ANO3: variants seen among roughly 807,000 people sequenced by gnomAD.
ANO3 encodes the protein anoctamin-3.
Under a neutral mutation model 144.8 loss-of-function variants are expected in ANO3, and 99 were observed. The ratio of observed to expected loss-of-function variants is 0.68; its 90% confidence interval spans 0.58 to 0.81. ANO3 has a LOEUF of 0.81. Ranked by LOEUF, ANO3 falls within the 30% of genes least tolerant of loss-of-function variation. The pLI, the probability that ANO3 is intolerant of heterozygous loss-of-function variation, is 0.00. For synonymous variants in ANO3, 414 were observed against 392.6 expected, an observed-to-expected ratio of 1.05 and a Z score of -0.64; for missense variants, 905 against 1,202.2, an observed-to-expected ratio of 0.75 and a Z score of 3.66.
At chr11:26,293,576 T>TATATATATATATATA (rs1854016890) in intron 1 of ANO3, among the ~76,000 whole-genome samples, 3 of 138,020 alleles carry the variant, frequency 2.2e-5, no homozygotes, top group Non-Finnish European at 3.1e-5. Flanking sequence ...TATATATATA[T>TATATATATATATATA]TCCTGTTGTT....
chr11:26,474,685 A>G (rs1283081663), intron 4 of ANO3, among the ~76,000 whole-genome samples: 1 of 151,896 alleles, frequency 6.6e-6, no homozygotes, highest in African/African-American at 2.4e-5. Context: ...GTAATAAGAA[A>G]CTTAATTTTG....
chr11:26,490,419 T>C (rs1299367213), intron 4 of ANO3, among the ~76,000 whole-genome samples: 1 of 152,202 alleles, frequency 6.6e-6, no homozygotes, highest in Non-Finnish European at 1.5e-5. Flanking sequence ...AAACTCTAGA[T>C]ACCAAAGTAG....
chr11:26,417,739 C>T (rs1033532753), intron 1 of ANO3, among the ~76,000 whole-genome samples: 1 of 151,570 alleles, frequency 6.6e-6, no homozygotes, highest in African/African-American at 2.4e-5. Context: ...AAAATGAAGG[C>T]CCAAACAATA....
intron 1 of ANO3, among the ~76,000 whole-genome samples, chr11:26,268,061 G>C (rs1853354605): frequency 6.6e-6 from 1 of 152,010 alleles, no homozygotes; most frequent in Admixed American, 6.6e-5. Context: ...ACATATACTG[G>C]TCAGGAAAGA....
chr11:26,417,859 T>G (rs1451364301), intron 1 of ANO3, among the ~76,000 whole-genome samples: 1 of 151,952 alleles, frequency 6.6e-6, no homozygotes, highest in African/African-American at 2.4e-5. Context: ...AATAATAAAG[T>G]TAATAGGGAC....
chr11:26,516,882 C>A lies in ANO3; in HGVS notation c.647C>A (p.Thr216Lys), dbSNP rs748171802. ...MFIKIHIPWD[T>K]LCKYAERLNI... is the part of the protein sequence containing the mutation. ...ATTAAAATTCACATTCCATGGGACA[C>A]GCTGTGCAAGTATGCAGAGAGGCTG... Residue 216 changes from threonine (T) to lysine (K), a missense_variant, in exon 6 of 27, where the codon ACG becomes AAG. Thr to Lys is a moderately conservative substitution (Grantham distance 78, BLOSUM62 -1). Transcript: ENST00000256737. 6.2e-7 allele frequency: 1 copy of A among 1,611,422 alleles called. No homozygotes were observed. Among genetic ancestry groups the A allele is most frequent in the Admixed American group, 1.7e-5 (1 of 59,908 alleles).
At chr11:26,260,696 G>A (rs1333024063) in intron 1 of ANO3, among the ~76,000 whole-genome samples, 1 of 152,114 alleles carries the variant, frequency 6.6e-6, no homozygotes, top group African/African-American at 2.4e-5. Context: ...CAATATAAAT[G>A]TCCCCACTGC....
chr11:26,591,103 G>A (rs770961525), intron 14 of ANO3, among the ~76,000 whole-genome samples: 1 of 152,092 alleles, frequency 6.6e-6, no homozygotes, highest in Admixed American at 6.5e-5. Flanking sequence ...TTGGGTGTGA[G>A]GTGAGTTACA....
intron 1 of ANO3, among the ~76,000 whole-genome samples, chr11:26,390,889 C>T (rs1479149550): frequency 1.3e-5 from 2 of 152,036 alleles, no homozygotes; most frequent in African/African-American, 4.8e-5. Context: ...GGGCAAGTTC[C>T]ATAACCATCT....
At chr11:26,435,726 T>C (rs201607370) in intron 1 of ANO3, among the ~76,000 whole-genome samples, 1 of 152,238 alleles carries the variant, frequency 6.6e-6, no homozygotes, top group East Asian at 1.9e-4. Context: ...CAGTGTTTTT[T>C]TCAGCTCTAT....
rs539815809 is a variant in ANO3, at chr11:26,588,391, A to G, written c.1448-9974A>G. ...GAATGTGGATTACCTGAAAGTTGAG[A>G]TAAATAAGCCATTAATAAAATACAT... On this transcript the variant is annotated intron_variant, in intron 14 of 26. Transcript: ENST00000256737. Among the ~76,000 whole-genome samples, 12 of 152,338 alleles carry G rather than the reference A, an allele frequency of 7.9e-5. No individual in the cohort carries two copies. The South Asian group carries it at 2.3e-3, about 29-fold the overall frequency.
At chr11:26,531,709 A>G (rs1349363657) in intron 8 of ANO3, among the ~76,000 whole-genome samples, 1 of 152,022 alleles carries the variant, frequency 6.6e-6, no homozygotes, top group African/African-American at 2.4e-5. Context: ...TAAATAAATT[A>G]TAATTATAAT....
intron 1 of ANO3, among the ~76,000 whole-genome samples, chr11:26,387,174 A>C (rs1237654759): frequency 7.2e-6 from 1 of 139,702 alleles, no homozygotes; most frequent in Non-Finnish European, 1.5e-5. Context: ...GGGTTTCACC[A>C]TGTTGGCCAG....
chr11:26,302,815 G>C (rs2133864148), intron 1 of ANO3, among the ~76,000 whole-genome samples: 1 of 151,980 alleles, frequency 6.6e-6, no homozygotes, highest in African/African-American at 2.4e-5. Flanking sequence ...AAAACTATTA[G>C]CACCAGTAAT....
intron 1 of ANO3, among the ~76,000 whole-genome samples, chr11:26,405,171 A>G (rs1234210330): frequency 6.6e-6 from 1 of 151,716 alleles, no homozygotes; most frequent in Non-Finnish European, 1.5e-5. Flanking sequence ...ATAAATCTTC[A>G]GCATCAAAAA....
At chr11:26,404,984 T>C (rs1590332328) in intron 1 of ANO3, among the ~76,000 whole-genome samples, 1 of 151,060 alleles carries the variant, frequency 6.6e-6, no homozygotes, top group East Asian at 2.0e-4. Context: ...TGTGTGTCTA[T>C]ATATCTATAT....
intron 9 of ANO3, among the ~76,000 whole-genome samples, chr11:26,535,798 C>T (rs1049473772): frequency 6.6e-6 from 1 of 151,074 alleles, no homozygotes; most frequent in Non-Finnish European, 1.5e-5. Context: ...TTAGCCAGGA[C>T]AGTGTCAATC....
intron 14 of ANO3, among the ~76,000 whole-genome samples, chr11:26,590,483 C>G (rs1851412309): frequency 6.6e-6 from 1 of 152,150 alleles, no homozygotes; most frequent in Non-Finnish European, 1.5e-5. Flanking sequence ...GCAGGCCACT[C>G]CCAAGATGGG....
In ANO3 at chr11:26,660,520, C is replaced by A; in HGVS notation, c.*76C>A. ...GGCAACTTTGAATGCTAGGTGAAAT[C>A]TAGGAGGAAGGCATACTTGGCAAAC... On this transcript the variant is annotated 3_prime_UTR_variant, in exon 27 of 27. Transcript: ENST00000256737. 2 of 1,410,406 alleles carry A rather than the reference C, an allele frequency of 1.4e-6. No homozygotes were observed. Among genetic ancestry groups the A allele is most frequent in the South Asian group, 1.4e-5 (1 of 69,798 alleles). The allele number at this position is 1,410,406 out of a possible 1,614,324, so 87.4% of individuals were successfully genotyped here.
Sources: gnomAD v4.1 joint callset for allele counts (sites outside exome capture counted in the v4.1 genomes callset) on GRCh38, gnomAD v4.1.1 for gene constraint, MANE v1.5 for transcripts, NCBI Gene and HGNC (gene_info 2026-07-23, HGNC 2026-07-21) for gene names.